TECPR2: variants seen among roughly 807,000 people sequenced by gnomAD.
TECPR2 encodes tectonin beta-propeller repeat-containing protein 2.
TECPR2 carries 65 observed loss-of-function variants against 138.1 expected under a neutral mutation model. The ratio of observed to expected loss-of-function variants is 0.47; its 90% CI spans 0.39 to 0.58. The LOEUF is 0.58. Among genes scored for constraint, TECPR2 ranks in the 20% least tolerant of loss-of-function variants. The probability of loss-of-function intolerance (pLI) is 0.00; values close to 1 mark genes in which losing one functional copy is unlikely to be tolerated. For synonymous variants in TECPR2, 746 were observed against 749.8 expected (o/e 0.99, Z 0.08); for missense variants, 1,553 against 1,824.5 (o/e 0.85, Z 2.71).
At chr14:102,438,391 C>A in intron 10 of TECPR2, 186 bp downstream of exon 10, 1 of 662,558 alleles carries the variant, frequency 1.5e-6, no homozygotes, top group Non-Finnish European at 2.4e-6. Context: ...ACGTGAATTG[C>A]TTCATTGGAT....
intron 5 of TECPR2, among the ~76,000 whole-genome samples, chr14:102,422,504 C>G (rs903163435): frequency 6.6e-6 from 1 of 152,148 alleles, no homozygotes; most frequent in Non-Finnish European, 1.5e-5. Context: ...AGTGCGACAG[C>G]TTCTTTTTAT....
Position 102,414,686 on chromosome 14 carries a change from G to A in TECPR2, c.531G>A (p.Gln177=). The change falls in exon 5 of 20, where the codon CAG becomes CAA. Residue 177 remains glutamine, a synonymous_variant. Transcript: ENST00000359520. ...LVLEEPSSIV[Q]LDYSQKVLLV... is the part of the protein sequence containing the mutation. The stretch of plus-strand genomic sequence containing the variant: ...TGGAGGAGCCATCTTCCATTGTGCA[G>A]CTGGATTATAGCCAGAAAGTGCTGC... The A allele has an allele frequency of 3.1e-6, 5 of 1,614,228 alleles. No homozygotes were observed. The highest frequency in any genetic ancestry group is 4.2e-6 in the Non-Finnish European group (5 of 1,180,042).
intron 17 of TECPR2, among the ~76,000 whole-genome samples, chr14:102,479,277 C>T (rs1046403263): frequency 1.3e-5 from 2 of 152,164 alleles, no homozygotes; most frequent in African/African-American, 4.8e-5. Flanking sequence ...GGGAAGAGTG[C>T]TCCTCCCTGC....
At chr14:102,380,149 C>G (rs1226586280) in intron 2 of TECPR2, among the ~76,000 whole-genome samples, 1 of 150,792 alleles carries the variant, frequency 6.6e-6, no homozygotes, top group Non-Finnish European at 1.5e-5. Flanking sequence ...CCTGGTCACA[C>G]TGCTGAAGAT....
In TECPR2 at chr14:102,438,215, C is replaced by T. The variant is rs1567342028; in HGVS notation, c.2578+10C>T. On this transcript the variant is annotated intron_variant, in intron 10 of 19. Coordinates refer to ENST00000359520, the MANE Select transcript of TECPR2 (RefSeq NM_014844.5). ...GCAGTCTCGCCCTCAGGTTCGCCTC[C>T]CCGCTCCCTGCTCCCGCTCCCTGCT... 19 of 872,378 alleles carry T rather than the reference C, an allele frequency of 2.2e-5. No homozygotes were observed. The highest frequency in any genetic ancestry group is 3.0e-5 in the Non-Finnish European group (18 of 602,584). The allele number at this position is 872,378 out of a possible 1,614,324, so 54.0% of individuals were successfully genotyped here. A position where few individuals can be genotyped will look rare whatever the true frequency, so the allele number is the denominator to read the frequency against.
rs544603201 is a variant in TECPR2, at chr14:102,482,945, G to A, written c.3790-14034G>A. On this transcript the variant is annotated intron_variant, in intron 17 of 19. Transcript: ENST00000359520. ...TGCAAGCTCTGCCTCCCAGGTTCAC[G>A]CCATTCTCCTGCCTCAGCCTCCCGA... Among the ~76,000 whole-genome samples, 7 of 144,258 alleles carry A rather than the reference G, an allele frequency of 4.9e-5. No homozygotes were observed. The South Asian group carries it at 1.4e-3, about 28-fold the overall frequency. 94.6% of individuals were successfully genotyped at this position (144,258 alleles called of 152,430 possible).
At chr14:102,467,572 TC>T (rs1174171991) in intron 17 of TECPR2, among the ~76,000 whole-genome samples, 21 of 151,500 alleles carry the variant, frequency 1.4e-4, no homozygotes, top group Admixed American at 1.1e-3. Context: ...TAATCCACCC[TC>T]CCCCGGCCTC....
At chr14:102,401,780 G>A (rs1365527114) in intron 2 of TECPR2, among the ~76,000 whole-genome samples, 1 of 118,170 alleles carries the variant, frequency 8.5e-6, no homozygotes, top group Non-Finnish European at 1.6e-5. Context: ...ACTCCAGCCT[G>A]TGCAAAAGAG....
At chr14:102,497,401 C>A in intron 18 of TECPR2, 169 bp from the exon 19 acceptor site, 2 of 1,069,674 alleles carry the variant, frequency 1.9e-6, no homozygotes, top group Non-Finnish European at 1.3e-6. Flanking sequence ...CTGGCCCTGC[C>A]AACTGGTCGT....
In TECPR2 at chr14:102,415,785, A is replaced by G. The variant is rs1410180204; in HGVS notation, c.638+992A>G. Among the ~76,000 whole-genome samples the G allele has an allele frequency of 6.6e-6, 1 of 151,608 alleles. No individual in the cohort carries two copies. Among genetic ancestry groups the G allele is most frequent in the East Asian group, 1.9e-4 (1 of 5,186 alleles). On this transcript the variant is annotated intron_variant, in intron 5 of 19. Transcript: ENST00000359520. The surrounding 1 kb of genome is among the most constrained non-coding windows in gnomAD (Gnocchi z 4.3). ...GGGCACTGTTTGCCTGCATAGAATC[A>G]GGGGCAGGGCAGCTGATGGTCACGG...
Position 102,498,979 on chromosome 14 carries a change from C to T in TECPR2, c.*722C>T, listed in dbSNP as rs544850016. On this transcript the variant is annotated 3_prime_UTR_variant, in exon 20 of 20. Coordinates refer to ENST00000359520, the MANE Select transcript of TECPR2 (RefSeq NM_014844.5). The stretch of plus-strand genomic sequence containing the variant: ...GCACACCTCACCACACAACACACCA[C>T]ACCCCACACCGCACTGCACCGCACC... 1.6e-4 allele frequency: 111 copies of T among 698,106 alleles called. No homozygotes were observed. The Middle Eastern group carries it at 2.5e-3, about 16-fold the overall frequency. The allele number at this position is 698,106 out of a possible 1,614,324, so 43.2% of individuals were successfully genotyped here. A position where few individuals can be genotyped will look rare whatever the true frequency, so the allele number is the denominator to read the frequency against.
In TECPR2 at chr14:102,443,721, C is replaced by T. The variant is rs376227334; in HGVS notation, c.2827C>T (p.Arg943Trp). 130 of 1,613,004 alleles carry T rather than the reference C, an allele frequency of 8.1e-5. No individual in the cohort carries two copies. Among genetic ancestry groups the T allele is most frequent in the Non-Finnish European group, 1.1e-4 (128 of 1,179,240 alleles). Residue 943 changes from arginine to tryptophan, a missense_variant, in exon 12 of 20, where the codon CGG becomes TGG. Coordinates refer to ENST00000359520, the MANE Select transcript of TECPR2 (RefSeq NM_014844.5). The surrounding 1 kb of genome is among the most constrained non-coding windows in gnomAD (Gnocchi z 4.9). The part of the protein sequence containing the change: ...CPYPLSQITA[R>W]NNVVWALTEQ... ...CTACCCGCTGTCCCAGATCACAGCC[C>T]GGAACAATGTGGTGTGGGCGCTGAC... is the stretch of plus-strand genomic sequence containing the variant.
Position 102,434,798 on chromosome 14 carries a change from G to A in TECPR2, c.1981G>A (p.Glu661Lys), listed in dbSNP as rs144915346. 2,246 of 1,613,406 alleles carry A rather than the reference G, an allele frequency of 1.4e-3. 1 individual carries two copies. The highest frequency in any genetic ancestry group is 1.8e-3 in the Non-Finnish European group (2,147 of 1,180,022). The change falls in exon 9 of 20, where the codon GAA (glutamate) becomes AAA (lysine). Residue 661 changes from glutamate (E) to lysine (K), a missense_variant. Glu to Lys is a moderately conservative substitution (Grantham distance 56, BLOSUM62 1). Coordinates refer to ENST00000359520, the MANE Select transcript of TECPR2 (RefSeq NM_014844.5). ...CAGCCTCAGCTGGGCCCCAAGTGCTGAACAGTGGCTGCCTGGGACCAGAGC... is the reference window on the plus strand; with the variant it reads ...CAGCCTCAGCTGGGCCCCAAGTGCTAAACAGTGGCTGCCTGGGACCAGAGC... The part of the protein sequence containing the change: ...PSSLSWAPSA[E>K]QWLPGTRADE...
Position 102,486,799 on chromosome 14 carries a change from C to G in TECPR2, c.3790-10180C>G, listed in dbSNP as rs1891037635. On this transcript the variant is annotated intron_variant, in intron 17 of 19. Transcript: ENST00000359520. ...TCCTCCTAGTGTGTCAGCCCTGGCT[C>G]TGAGAATTTACCTTTAATTTAATTC... Among the ~76,000 whole-genome samples the G allele has an allele frequency of 2.0e-5, 3 of 152,198 alleles. No homozygotes were observed. The South Asian group carries it at 6.2e-4, about 32-fold the overall frequency.
At position 102,376,937 on chromosome 14, in the gene TECPR2, T is replaced by G. The variant is rs1274728717; in HGVS notation, c.216T>G (p.Phe72Leu). The change falls in exon 2 of 20, where the codon TTT becomes TTG. Residue 72 changes from phenylalanine to leucine, a missense_variant. Phe to Leu is a conservative substitution (Grantham distance 22). Coordinates refer to ENST00000359520, the MANE Select transcript of TECPR2 (RefSeq NM_014844.5). ...RHLNQMRKYN[F>L]EGKTESITVV... is the part of the protein sequence containing the mutation. ...TCAACCAGATGAGGAAGTACAACTT[T>G]GAGGTGAGCCTTGCTTTGCTTTTCA... 1.2e-6 allele frequency: 2 copies of G among 1,612,714 alleles called. No homozygotes were observed. The highest frequency in any genetic ancestry group is 1.7e-5 in the Admixed American group (1 of 59,748).
chr14:102,455,437 C>T (rs1367538800), intron 16 of TECPR2, among the ~76,000 whole-genome samples: 2 of 152,142 alleles, frequency 1.3e-5, no homozygotes, highest in Non-Finnish European at 2.9e-5. Flanking sequence ...CACCTTGAAC[C>T]GCAATTTCCT....
chr14:102,426,126 T>C (rs1889314516), intron 6 of TECPR2, among the ~76,000 whole-genome samples: 1 of 152,056 alleles, frequency 6.6e-6, no homozygotes, highest in Admixed American at 6.5e-5. Flanking sequence ...ACTCAGGTGA[T>C]CCGCCAGCCT....
At chr14:102,369,572 G>A (rs957058379) in intron 1 of TECPR2, among the ~76,000 whole-genome samples, 6 of 151,608 alleles carry the variant, frequency 4.0e-5, no homozygotes, top group African/African-American at 1.5e-4. Flanking sequence ...CTACAGGCAC[G>A]CACCACCACA....
intron 17 of TECPR2, among the ~76,000 whole-genome samples, chr14:102,490,143 C>T (rs1302931761): frequency 1.3e-5 from 2 of 152,160 alleles, no homozygotes; most frequent in African/African-American, 2.4e-5. Flanking sequence ...CCACGCGGCA[C>T]CTTCCTTGGT....
Sources: allele counts gnomAD v4.1 joint callset (sites outside exome capture counted in the v4.1 genomes callset), GRCh38; gene constraint gnomAD v4.1.1; non-coding constraint Gnocchi (gnomAD v3.1); transcripts MANE v1.5; gene names NCBI Gene and HGNC (gene_info 2026-07-23, HGNC 2026-07-21).